The following PCNX1 variants were observed in gnomAD, a reference collection of about 807,000 sequenced individuals.
PCNX1 encodes the protein pecanex 1.
A neutral mutation model predicts 242.2 loss-of-function variants in PCNX1; 78 were observed. The ratio of observed to expected loss-of-function variants is 0.32; its 90% CI spans 0.27 to 0.39. PCNX1 has a LOEUF of 0.39. PCNX1 is among the 10% of genes least tolerant of loss of function. The pLI is 1.00. For synonymous variants in PCNX1, 1,024 were observed against 1,032.9 expected (o/e 0.99, Z 0.17); for missense variants, 2,581 against 2,856.5 (o/e 0.90, Z 2.20).
At chr14:71,024,759 A>G (rs1471809742) in intron 13 of PCNX1, among the ~76,000 whole-genome samples, 3 of 152,116 alleles carry the variant, frequency 2.0e-5, no homozygotes, top group Non-Finnish European at 2.9e-5. Flanking sequence ...ATGCTGTCCA[A>G]TGCATTGTAG....
At chr14:70,998,767 A>AAAAAAG (rs1566678952) in intron 8 of PCNX1, among the ~76,000 whole-genome samples, 5 of 150,990 alleles carry the variant, frequency 3.3e-5, no homozygotes, top group African/African-American at 1.2e-4. Flanking sequence ...AAAAAAAAAA[A>AAAAAAG]AAAAAGAAAA....
intron 8 of PCNX1, among the ~76,000 whole-genome samples, chr14:71,006,883 G>A (rs565727323): frequency 6.6e-6 from 1 of 152,264 alleles, no homozygotes; most frequent in East Asian, 1.9e-4. Flanking sequence ...CTTTTGGAGT[G>A]AAGTTGGGAC....
intron 1 of PCNX1, among the ~76,000 whole-genome samples, chr14:70,915,271 A>C (rs989529544): frequency 6.6e-6 from 1 of 152,184 alleles, no homozygotes; most frequent in African/African-American, 2.4e-5. Flanking sequence ...GACACTGGAA[A>C]ACTTTACGGA....
chr14:71,099,115 T>C (rs966399611), intron 30 of PCNX1, among the ~76,000 whole-genome samples: 2 of 152,176 alleles, frequency 1.3e-5, no homozygotes, highest in Non-Finnish European at 2.9e-5. Context: ...TTGATTTCCA[T>C]TTTTATTCCA....
At chr14:70,927,652 C>T (rs1420717960) in intron 1 of PCNX1, among the ~76,000 whole-genome samples, 3 of 151,626 alleles carry the variant, frequency 2.0e-5, no homozygotes, top group South Asian at 4.2e-4. Flanking sequence ...TGCAGTGGTG[C>T]GATCTTGGCT....
chr14:70,920,647 G>C (rs1436077961), intron 1 of PCNX1, among the ~76,000 whole-genome samples: 1 of 152,090 alleles, frequency 6.6e-6, no homozygotes, highest in Non-Finnish European at 1.5e-5. Context: ...AAAAAGACTA[G>C]AGCTCATTTA....
intron 32 of PCNX1, 140 bp from the exon 33 acceptor site, chr14:71,105,095 C>T: frequency 3.1e-6 from 2 of 648,796 alleles, no homozygotes; most frequent in Admixed American, 5.7e-5. Context: ...TTTTTTTGTT[C>T]CTAATATTGA....
chr14:70,963,127 A>T (rs532776488), intron 3 of PCNX1, among the ~76,000 whole-genome samples: 1 of 152,304 alleles, frequency 6.6e-6, no homozygotes, highest in South Asian at 2.1e-4. Context: ...TATGACACAG[A>T]TTGTGGATTG....
Position 71,057,670 on chromosome 14 carries a change from A to G in PCNX1, c.4798A>G (p.Ile1600Val). ...CTATCTCAATGCATTAGTACACCTT[A>G]TAGAGATAGGCAATGGTCTGGTCAC... ...SDYLNALVHL[I>V]EIGNGLVTFQ... Residue 1600 changes from isoleucine (I) to valine (V), a missense_variant, in exon 26 of 36, where the codon ATA becomes GTA. This residue lies in a region of PCNX1 where 54 missense variants were observed against 45.3 expected (regional missense o/e 1.19). Transcript: ENST00000304743. The G allele has an allele frequency of 2.5e-6, 4 of 1,614,040 alleles. No individual in the cohort carries two copies. Among genetic ancestry groups the G allele is most frequent in the Non-Finnish European group, 3.4e-6 (4 of 1,179,912 alleles).
chr14:71,015,188 A>G (rs1458910925), intron 11 of PCNX1, among the ~76,000 whole-genome samples: 2 of 152,206 alleles, frequency 1.3e-5, no homozygotes, highest in Non-Finnish European at 2.9e-5. Flanking sequence ...CCCACACTAC[A>G]AAAAATGTTG....
rs200523602 is a variant in PCNX1, at chr14:70,915,351, CT to C, written c.153+7349del. Among the ~76,000 whole-genome samples the C allele has an allele frequency of 7.6e-3, 1,156 of 152,228 alleles. 8 individuals are homozygous for C. The highest frequency in any genetic ancestry group is 0.026 in the African/African-American group (1,089 of 41,540). ...TTAAAAATCTTTTTGTTCAGCTGTT[CT>C]GATTTATTTGTCTAAATCAGAAATT... On this transcript the variant is annotated intron_variant, in intron 1 of 35. Transcript: ENST00000304743.
chr14:71,020,374 G>A (rs1314577416), intron 12 of PCNX1, among the ~76,000 whole-genome samples: 1 of 152,176 alleles, frequency 6.6e-6, no homozygotes, highest in Admixed American at 6.5e-5. Flanking sequence ...TTTCATAATG[G>A]TTGAACTAGT....
chr14:71,058,567 A>G (rs1449079823), intron 26 of PCNX1, among the ~76,000 whole-genome samples: 2 of 152,184 alleles, frequency 1.3e-5, no homozygotes, highest in Admixed American at 6.5e-5. Flanking sequence ...GAGTAGTTTT[A>G]GTCTGGAATA....
At chr14:71,109,082 G>C (rs2141905535) in intron 34 of PCNX1, 36 bp downstream of exon 34, 3 of 1,507,464 alleles carry the variant, frequency 2.0e-6, no homozygotes, top group Non-Finnish European at 2.7e-6. Flanking sequence ...TGCTGTTTTT[G>C]TTACTTATTT....
intron 1 of PCNX1, among the ~76,000 whole-genome samples, chr14:70,910,084 C>G (rs1594862979): frequency 8.5e-6 from 1 of 118,200 alleles, no homozygotes; most frequent in African/African-American, 3.0e-5. Context: ...CCTCCTCCTC[C>G]TCCTCCTCCT....
intron 1 of PCNX1, among the ~76,000 whole-genome samples, chr14:70,925,940 G>T (rs1279060344): frequency 2.6e-5 from 4 of 151,790 alleles, no homozygotes; most frequent in African/African-American, 7.3e-5. Flanking sequence ...TTTCTGATTA[G>T]TCTGCGTTTG....
At chr14:70,909,844 C>A (rs1321743953) in intron 1 of PCNX1, among the ~76,000 whole-genome samples, 1 of 152,046 alleles carries the variant, frequency 6.6e-6, no homozygotes, top group African/African-American at 2.4e-5. Flanking sequence ...CCAGAAGGTG[C>A]TGAGCTGTTC....
intron 1 of PCNX1, among the ~76,000 whole-genome samples, chr14:70,912,131 A>T (rs150016411): frequency 9.9e-5 from 15 of 152,062 alleles, no homozygotes; most frequent in African/African-American, 3.6e-4. Context: ...GCTACTCGGG[A>T]GGCTGAGGCA....
chr14:70,999,170 C>T (rs751304226), intron 8 of PCNX1, among the ~76,000 whole-genome samples: 32 of 152,186 alleles, frequency 2.1e-4, no homozygotes. Context: ...TAGAATTTGG[C>T]ACTTCTCAGT....
Sources: gnomAD v4.1 joint callset for allele counts (sites outside exome capture counted in the v4.1 genomes callset) on GRCh38, gnomAD v4.1.1 for gene constraint, gnomAD v4.1.1 regional missense constraint, MANE v1.5 for transcripts, NCBI Gene and HGNC (gene_info 2026-07-23, HGNC 2026-07-21) for gene names.